ACSL4: variants seen among roughly 807,000 people sequenced by gnomAD.
ACSL4 encodes long-chain-fatty-acid--CoA ligase 4.
In ACSL4, 9 loss-of-function variants were observed where a neutral mutation model predicts 49.1. The observed-to-expected ratio is 0.18, with a 90% CI of 0.11 to 0.32. The LOEUF (loss-of-function observed/expected upper bound fraction) is 0.32. ACSL4 is among the 10% of genes least tolerant of loss of function. ACSL4 has a pLI of 1.00. For synonymous variants in ACSL4, 191 were observed against 170.3 expected, an observed-to-expected ratio of 1.12 and a Z score of -0.95; for missense variants, 333 against 493.7, an observed-to-expected ratio of 0.67 and a Z score of 3.08.
chrX:109,703,704 G>A (rs1284199207), intron 1 of ACSL4, among the ~76,000 whole-genome samples: 2 of 111,717 alleles, frequency 1.8e-5, no homozygotes, highest in African/African-American at 6.5e-5. Context: ...GGTCGAGGTG[G>A]GCAGAACACT....
In ACSL4 at chrX:109,681,385, AAAAAT is replaced by A. The variant is rs762763680; in HGVS notation, c.407-15_407-11del. 5 of 1,101,254 alleles carry A rather than the reference AAAAAT, an allele frequency of 4.5e-6. No individual in the cohort carries two copies. The African/African-American group carries it at 7.2e-5, about 16-fold the overall frequency. The allele number at this position is 1,101,254 out of a possible 1,213,427, so 90.8% of individuals were successfully genotyped here. A position where few individuals can be genotyped will look rare whatever the true frequency, so the allele number is the denominator to read the frequency against. ...GCATATAAAGTCACAACTACATAAT[AAAAAT>A]AAACACAAATATTAAGTAATAAACA... On this transcript the variant is annotated splice_polypyrimidine_tract_variant and intron_variant, in intron 4 of 15. Transcript: ENST00000672401.
chrX:109,730,653 T>C (rs1928359419), intron 1 of ACSL4, among the ~76,000 whole-genome samples: 2 of 112,377 alleles, frequency 1.8e-5, no homozygotes, highest in Admixed American at 1.9e-4. Context: ...AATTAATAAA[T>C]GAATGAGATG....
At position 109,654,003 on chromosome X, in the gene ACSL4, C is replaced by G. The variant is rs777547793; in HGVS notation, c.1855+5351G>C. ...TTGAAAAAATATATATATATATATTCTCTTTGACTCAGAAATTCTGTTTCT... is the reference window on the plus strand; with the variant it reads ...TTGAAAAAATATATATATATATATTGTCTTTGACTCAGAAATTCTGTTTCT... On this transcript the variant is annotated intron_variant, in intron 15 of 15. Coordinates refer to ENST00000672401, the MANE Select transcript of ACSL4 (RefSeq NM_001318510.2). Among the ~76,000 whole-genome samples the G allele has an allele frequency of 1.1e-3, 122 of 108,325 alleles. 4 individuals are homozygous for G. Among genetic ancestry groups the G allele is most frequent in the African/African-American group, 4.0e-3 (118 of 29,723 alleles). The allele number at this position is 108,325 out of a possible 115,157, so 94.1% of individuals were successfully genotyped here.
chrX:109,721,548 A>G lies in ACSL4; in HGVS notation c.-66+11591T>C, dbSNP rs368760120. On this transcript the variant is annotated intron_variant, in intron 1 of 15. Transcript: ENST00000672401. ...GAAGTTCGAGACCAGCCGGGCCAACATGGTGAAACCCCATCTCTACTAAAA... is the reference window on the plus strand; with the variant it reads ...GAAGTTCGAGACCAGCCGGGCCAACGTGGTGAAACCCCATCTCTACTAAAA... Among the ~76,000 whole-genome samples, 27 of 110,852 alleles carry G rather than the reference A, an allele frequency of 2.4e-4. No individual in the cohort carries two copies. In the East Asian group the frequency reaches 6.8e-3, roughly 28 times the overall value.
chrX:109,647,471 C>G (rs1380224772), intron 15 of ACSL4, among the ~76,000 whole-genome samples: 1 of 111,747 alleles, frequency 8.9e-6, no homozygotes, highest in Non-Finnish European at 1.9e-5. Context: ...TTCTTTGAAA[C>G]CAACAAGAAC....
intron 1 of ACSL4, among the ~76,000 whole-genome samples, chrX:109,717,671 G>C (rs1483046280): frequency 3.6e-5 from 4 of 110,945 alleles, no homozygotes; most frequent in Non-Finnish European, 7.5e-5. Flanking sequence ...GGCAGTGCCG[G>C]TAAGAGCAAG....
At chrX:109,649,447 T>C (rs1448548357) in intron 15 of ACSL4, among the ~76,000 whole-genome samples, 8 of 111,758 alleles carry the variant, frequency 7.2e-5, no homozygotes. Flanking sequence ...ATTTAATAAA[T>C]GGTGCTGGGA....
At chrX:109,690,303 T>C (rs1924942597) in intron 2 of ACSL4, among the ~76,000 whole-genome samples, 1 of 112,006 alleles carries the variant, frequency 8.9e-6, no homozygotes, top group Middle Eastern at 4.2e-3. Flanking sequence ...GAACTTTGAG[T>C]GGTGCTTCCT....
At position 109,642,611 on chromosome X, in the gene ACSL4, AT is replaced by A. The variant is rs1934479254; in HGVS notation, c.*1417del. The A allele has an allele frequency of 8.9e-6, 1 of 111,775 alleles. No homozygotes were observed. Among genetic ancestry groups the A allele is most frequent in the African/African-American group, 3.3e-5 (1 of 30,710 alleles). The allele number at this position is 111,775 out of a possible 1,213,427, so 9.2% of individuals were successfully genotyped here. A position where few individuals can be genotyped will look rare whatever the true frequency, so the allele number is the denominator to read the frequency against. On this transcript the variant is annotated 3_prime_UTR_variant, in exon 16 of 16. Coordinates refer to ENST00000672401, the MANE Select transcript of ACSL4 (RefSeq NM_001318510.2). ...CACACACATATATATATGCATATAT[AT>A]AAAAAATGATTAAGAAAAAGTGCAA...
At chrX:109,716,687 G>T (rs1165652654) in intron 1 of ACSL4, among the ~76,000 whole-genome samples, 1 of 112,017 alleles carries the variant, frequency 8.9e-6, no homozygotes, top group African/African-American at 3.2e-5. Flanking sequence ...AGGCACTTTT[G>T]CATAGTGCCA....
chrX:109,645,333 G>A (rs1371766798), intron 15 of ACSL4, among the ~76,000 whole-genome samples: 3 of 112,341 alleles, frequency 2.7e-5, no homozygotes, highest in Non-Finnish European at 5.6e-5. Context: ...CTGAGAATGG[G>A]CAGACTGCCT....
intron 15 of ACSL4, among the ~76,000 whole-genome samples, chrX:109,645,249 C>A (rs1934617988): frequency 1.8e-5 from 2 of 112,892 alleles, no homozygotes; most frequent in African/African-American, 3.2e-5. Flanking sequence ...ACAGCAGTAA[C>A]CTCTGCAGAC....
intron 1 of ACSL4, among the ~76,000 whole-genome samples, chrX:109,719,930 T>G (rs772059938): frequency 2.7e-5 from 3 of 109,151 alleles, no homozygotes; most frequent in Non-Finnish European, 5.7e-5. Flanking sequence ...GAGGCGGAGG[T>G]TGAGATGAGC....
At chrX:109,710,894 A>G (rs1926704721) in intron 1 of ACSL4, among the ~76,000 whole-genome samples, 1 of 111,300 alleles carries the variant, frequency 9.0e-6, no homozygotes, top group South Asian at 3.8e-4. Context: ...TTATTTTTGT[A>G]GAGTAAGCAT....
At chrX:109,730,671 ATTATT>A (rs912265873) in intron 1 of ACSL4, among the ~76,000 whole-genome samples, 8 of 112,340 alleles carry the variant, frequency 7.1e-5, no homozygotes, top group African/African-American at 1.9e-4. Context: ...ATGCCCACAT[ATTATT>A]TTAAAGTTCC....
At chrX:109,680,922 G>T in intron 6 of ACSL4, 76 bp downstream of exon 6, 1 of 1,056,166 alleles carries the variant, frequency 9.5e-7, no homozygotes, top group Non-Finnish European at 1.3e-6. Context: ...ATTTACTCAT[G>T]TCATTTGTTT....
chrX:109,709,829 G>A (rs946368521), intron 1 of ACSL4, among the ~76,000 whole-genome samples: 7 of 112,213 alleles, frequency 6.2e-5, no homozygotes, highest in African/African-American at 9.7e-5. Context: ...AGGCGAGGCC[G>A]GGTGCGGTGG....
Position 109,661,347 on chromosome X carries a change from C to A in ACSL4, c.1697+184G>T, listed in dbSNP as rs1038060338. Among the ~76,000 whole-genome samples, 4 of 111,752 alleles carry A rather than the reference C, an allele frequency of 3.6e-5. No homozygotes were observed. The East Asian group carries it at 8.4e-4, about 23-fold the overall frequency. ...GCAGGTGTCCAATAAATAGTTAACACGTCTGAGTTATCTAAAATGATCTTT... is the reference window on the plus strand; with the variant it reads ...GCAGGTGTCCAATAAATAGTTAACAAGTCTGAGTTATCTAAAATGATCTTT... On this transcript the variant is annotated intron_variant, in intron 14 of 15. Transcript: ENST00000672401.
intron 1 of ACSL4, among the ~76,000 whole-genome samples, chrX:109,702,838 G>A (rs1266162964): frequency 9.0e-6 from 1 of 111,310 alleles, no homozygotes; most frequent in Admixed American, 9.6e-5. Context: ...ATCCCACAGA[G>A]TAAAATAATA....
Sources: gnomAD v4.1 joint callset for allele counts (sites outside exome capture counted in the v4.1 genomes callset) on GRCh38, gnomAD v4.1.1 for gene constraint, MANE v1.5 for transcripts, NCBI Gene and HGNC (gene_info 2026-07-23, HGNC 2026-07-21) for gene names.